Variants in CCDC175 observed in about 807,000 individuals in gnomAD.
The protein encoded by CCDC175 is coiled-coil domain-containing protein 175.
CCDC175 carries 100 observed loss-of-function variants against 114.6 expected under a neutral mutation model. The ratio of observed to expected loss-of-function variants is 0.87; its 90% CI spans 0.74 to 1.03. The LOEUF is 1.03. CCDC175 is among the 50% of genes least tolerant of loss of function. The pLI is 0.00. For synonymous variants in CCDC175, 306 were observed against 308.7 expected (o/e 0.99, Z 0.09); for missense variants, 880 against 917.8 (o/e 0.96, Z 0.53).
In CCDC175 at chr14:59,512,518, C is replaced by G. The variant is rs375829628; in HGVS notation, c.2099-715G>C. On this transcript the variant is annotated intron_variant, in intron 17 of 19. Transcript: ENST00000537690. ...CTCCAGATTTCCTTCATACTTTGCC[C>G]TCTGTGCCTTTTCCCTTTGCTGATT... is the stretch of plus-strand genomic sequence containing the variant. Among the ~76,000 whole-genome samples, 62 of 152,274 alleles carry G rather than the reference C, an allele frequency of 4.1e-4. No individual in the cohort carries two copies. In the East Asian group the frequency reaches 7.7e-3, roughly 19 times the overall value.
At chr14:59,549,709 G>T (rs1242593970) in intron 8 of CCDC175, among the ~76,000 whole-genome samples, 2 of 40,160 alleles carry the variant, frequency 5.0e-5, no homozygotes, top group Non-Finnish European at 6.5e-5. Flanking sequence ...GATAGAGTGA[G>T]ACTATGTCTC....
At chr14:59,535,824 A>C (rs1894359676) in intron 13 of CCDC175, among the ~76,000 whole-genome samples, 1 of 152,208 alleles carries the variant, frequency 6.6e-6, no homozygotes, top group African/African-American at 2.4e-5. Context: ...TCGCCACACC[A>C]TTGTGAGGAA....
At chr14:59,536,821 G>A (rs146382473) in intron 13 of CCDC175, among the ~76,000 whole-genome samples, 2,618 of 152,186 alleles carry the variant, frequency 0.017, 67 homozygotes, top group African/African-American at 0.058. Flanking sequence ...TCGCTCTGTC[G>A]CCCAGGCTGG....
intron 3 of CCDC175, among the ~76,000 whole-genome samples, chr14:59,570,463 C>A (rs1896785432): frequency 6.6e-6 from 1 of 151,818 alleles, no homozygotes; most frequent in Admixed American, 6.6e-5. Flanking sequence ...TAAGACCACT[C>A]TTTTTAGGTT....
chr14:59,576,536 T>C, intron 1 of CCDC175, 83 bp downstream of exon 1: 1 of 1,264,772 alleles, frequency 7.9e-7, no homozygotes, highest in Non-Finnish European at 1.0e-6. Flanking sequence ...GGGAGGAGAG[T>C]CCCCGCTCAG....
chr14:59,516,401 A>G (rs998336599), intron 17 of CCDC175, among the ~76,000 whole-genome samples: 1 of 152,228 alleles, frequency 6.6e-6, no homozygotes, highest in Admixed American at 6.5e-5. Flanking sequence ...GAAAAGATCA[A>G]CAAAATCGAT....
At chr14:59,574,152 GAT>G (rs752312095) in intron 2 of CCDC175, among the ~76,000 whole-genome samples, 1 of 152,084 alleles carries the variant, frequency 6.6e-6, no homozygotes, top group South Asian at 2.1e-4. Context: ...ATGTAGTATA[GAT>G]ATATATATGT....
intron 11 of CCDC175, 83 bp downstream of exon 11, chr14:59,540,592 C>T (rs960199053): frequency 1.4e-6 from 2 of 1,385,366 alleles, no homozygotes; most frequent in Non-Finnish European, 1.9e-6. Flanking sequence ...ACAACAAGTA[C>T]TCTGCACTGT....
chr14:59,542,271 A>C (rs765248158), intron 10 of CCDC175, among the ~76,000 whole-genome samples: 4 of 152,124 alleles, frequency 2.6e-5, no homozygotes, highest in Non-Finnish European at 5.9e-5. Context: ...TACATGGTTT[A>C]TTTTTCACCA....
In CCDC175 at chr14:59,557,767, T is replaced by G. The variant is rs531482585; in HGVS notation, c.953+3352A>C. ...AACAAAAATGTATACTCCTTTGAAC[T>G]GATGAATTATTTATTTATTTATTCT... On this transcript the variant is annotated intron_variant, in intron 7 of 19. Coordinates refer to ENST00000537690, the MANE Select transcript of CCDC175 (RefSeq NM_001164399.2). Among the ~76,000 whole-genome samples the G allele has an allele frequency of 2.3e-3, 356 of 152,248 alleles. 1 individual carries two copies. Among genetic ancestry groups the G allele is most frequent in the African/African-American group, 8.1e-3 (336 of 41,552 alleles).
chr14:59,522,862 G>A (rs990690550), intron 16 of CCDC175, among the ~76,000 whole-genome samples: 5 of 152,294 alleles, frequency 3.3e-5, no homozygotes, highest in African/African-American at 1.2e-4. Context: ...GTTTCTATGT[G>A]CATCTCTTCA....
chr14:59,548,993 AG>A (rs1895284227), intron 8 of CCDC175, among the ~76,000 whole-genome samples: 1 of 152,238 alleles, frequency 6.6e-6, no homozygotes, highest in Non-Finnish European at 1.5e-5. Flanking sequence ...TGTGAGAGAA[AG>A]AAAAGGTGGT....
At chr14:59,506,814 A>G (rs1301865895) in intron 19 of CCDC175, among the ~76,000 whole-genome samples, 1 of 152,194 alleles carries the variant, frequency 6.6e-6, no homozygotes, top group Non-Finnish European at 1.5e-5. Flanking sequence ...AATAACAGAG[A>G]TAACTTTGAC....
At chr14:59,557,384 C>T (rs1348203004) in intron 7 of CCDC175, among the ~76,000 whole-genome samples, 1 of 148,108 alleles carries the variant, frequency 6.8e-6, no homozygotes, top group East Asian at 2.0e-4. Flanking sequence ...CCAAACATCC[C>T]ATGTTCTCAC....
chr14:59,564,955 T>C, intron 5 of CCDC175, 92 bp downstream of exon 5: 1 of 976,174 alleles, frequency 1.0e-6, no homozygotes, highest in Non-Finnish European at 1.5e-6. Flanking sequence ...CAGAGGCTGC[T>C]TGCCAGCCTT....
At chr14:59,552,189 C>T (rs2093048) in intron 7 of CCDC175, among the ~76,000 whole-genome samples, 78,789 of 152,174 alleles carry the variant, frequency 0.52, 21,667 homozygotes, top group East Asian at 0.82. Flanking sequence ...GTCCCTGACC[C>T]CCGAGTAGCC....
intron 17 of CCDC175, among the ~76,000 whole-genome samples, chr14:59,514,364 C>T (rs1472969365): frequency 6.6e-6 from 1 of 152,092 alleles, no homozygotes; most frequent in Admixed American, 6.6e-5. Context: ...GATCAAACTA[C>T]TCAGAGCTAA....
At chr14:59,557,624 A>G (rs1223794519) in intron 7 of CCDC175, among the ~76,000 whole-genome samples, 1 of 101,420 alleles carries the variant, frequency 9.9e-6, no homozygotes, top group Non-Finnish European at 2.5e-5. Flanking sequence ...AAAAACAAAA[A>G]GAAAAAGAAA....
chr14:59,512,907 T>C (rs1246086558), intron 17 of CCDC175, among the ~76,000 whole-genome samples: 1 of 151,672 alleles, frequency 6.6e-6, no homozygotes, highest in Non-Finnish European at 1.5e-5. Context: ...TGAAAATAAT[T>C]TTAAAAGACA....
Sources: allele counts gnomAD v4.1 joint callset (sites outside exome capture counted in the v4.1 genomes callset), GRCh38; gene constraint gnomAD v4.1.1; transcripts MANE v1.5; gene names NCBI Gene and HGNC (gene_info 2026-07-23, HGNC 2026-07-21).